The following MECOM variants were observed in gnomAD, a reference collection of about 807,000 sequenced individuals.
MECOM encodes the protein histone-lysine N-methyltransferase MECOM.
MECOM carries 13 observed loss-of-function variants against 116.3 expected under a neutral mutation model. That is an observed-to-expected ratio of 0.11 (90% CI 0.07 to 0.18). The LOEUF (loss-of-function observed/expected upper bound fraction) is 0.18, where lower values mean the gene tolerates loss of function less well. Among genes scored for constraint, MECOM ranks in the 10% least tolerant of loss-of-function variants. The pLI is 1.00. For synonymous variants in MECOM, 528 were observed against 535.2 expected, an observed-to-expected ratio of 0.99 and a Z score of 0.19; for missense variants, 1,299 against 1,509.0, an observed-to-expected ratio of 0.86 and a Z score of 2.31.
chr3:169,567,613 C>T lies in MECOM; in HGVS notation c.37+95723G>A, dbSNP rs141262426. On this transcript the variant is annotated intron_variant, in intron 1 of 16. Transcript: ENST00000651503. ...ATTGAGGCACAGAAGTATGAAAATG[C>T]TTTGCCAGTAAAATCAAGCCAGATG... Among the ~76,000 whole-genome samples the T allele has an allele frequency of 7.0e-4, 107 of 152,254 alleles. 2 individuals carry two copies. The East Asian group carries it at 0.015, about 22-fold the overall frequency.
At chr3:169,507,042 CAT>C (rs1265482416) in intron 1 of MECOM, among the ~76,000 whole-genome samples, 1 of 152,232 alleles carries the variant, frequency 6.6e-6, no homozygotes, top group Non-Finnish European at 1.5e-5. Flanking sequence ...ATAAGAAACA[CAT>C]ATCCCTGAAT....
intron 2 of MECOM, among the ~76,000 whole-genome samples, chr3:169,339,310 C>T (rs1421652835): frequency 1.3e-5 from 2 of 152,228 alleles, no homozygotes; most frequent in Admixed American, 1.3e-4. Context: ...AATTCTTGGG[C>T]TCACCCCAGA....
intron 1 of MECOM, among the ~76,000 whole-genome samples, chr3:169,567,875 A>T (rs1372506081): frequency 6.6e-6 from 1 of 152,242 alleles, no homozygotes; most frequent in Non-Finnish European, 1.5e-5. Context: ...GGACAAAATC[A>T]AAAGAGACAA....
chr3:169,605,035 A>G lies in MECOM; in HGVS notation c.37+58301T>C, dbSNP rs143775827. On this transcript the variant is annotated intron_variant, in intron 1 of 16. Transcript: ENST00000651503. Reference sequence around the variant, plus strand: ...TGGTCTTTGTTTATAGATACCATTAAGAAACACATACAAATTCCCAGAGGC... The same window carrying G: ...TGGTCTTTGTTTATAGATACCATTAGGAAACACATACAAATTCCCAGAGGC... Among the ~76,000 whole-genome samples the G allele has an allele frequency of 1.2e-4, 19 of 152,352 alleles. No homozygotes were observed. In the East Asian group the frequency reaches 3.7e-3, roughly 29 times the overall value.
At chr3:169,105,934 G>A (rs920041812) in intron 10 of MECOM, among the ~76,000 whole-genome samples, 2 of 152,174 alleles carry the variant, frequency 1.3e-5, no homozygotes, top group East Asian at 1.9e-4. Context: ...TATCAACTGG[G>A]TCCTAAGCAC....
chr3:169,637,378 G>C (rs1409092395), intron 1 of MECOM, among the ~76,000 whole-genome samples: 1 of 152,126 alleles, frequency 6.6e-6, no homozygotes. Flanking sequence ...TAAGTTTAGG[G>C]TTGATTTGTT....
At chr3:169,335,280 A>G (rs1723421079) in intron 2 of MECOM, among the ~76,000 whole-genome samples, 1 of 152,158 alleles carries the variant, frequency 6.6e-6, no homozygotes, top group Non-Finnish European at 1.5e-5. Flanking sequence ...GTTTGGAACT[A>G]TTTGCTGAGA....
intron 1 of MECOM, among the ~76,000 whole-genome samples, chr3:169,391,369 TTGAACTCTACCCCATTGCAAGCACA>T (rs2108336585): frequency 6.6e-6 from 1 of 152,312 alleles, no homozygotes; most frequent in Non-Finnish European, 1.5e-5. Flanking sequence ...TAATTTTAGC[TTGAACTCTACCCCATTGCAAGCACA>T]GTATCTTCAG....
rs541762984 is a variant in MECOM, at chr3:169,342,668, T to C, written c.375+38519A>G. ...GAAGGTTTCCTCTAATAATTGTTGC[T>C]CTTAGATGAATATTATAATTATCCA... On this transcript the variant is annotated intron_variant, in intron 2 of 16. Transcript: ENST00000651503. 3.8e-3 allele frequency among the ~76,000 whole-genome samples: 573 copies of C among 152,326 alleles called. 2 individuals are homozygous for C. The highest frequency in any genetic ancestry group is 5.2e-3 in the Non-Finnish European group (356 of 68,030).
chr3:169,341,263 G>A (rs1363765340), intron 2 of MECOM, among the ~76,000 whole-genome samples: 1 of 151,960 alleles, frequency 6.6e-6, no homozygotes, highest in Non-Finnish European at 1.5e-5. Flanking sequence ...GGAACTGGAG[G>A]TCATTATGTT....
rs774981500 is a variant in MECOM, at chr3:169,381,328, A to G, written c.234T>C (p.Ala78=). The G allele has an allele frequency of 1.2e-6, 2 of 1,613,890 alleles. No individual in the cohort carries two copies. Among genetic ancestry groups the G allele is most frequent in the East Asian group, 4.5e-5 (2 of 44,866 alleles). The change falls in exon 2 of 17, where the codon GCT becomes GCC. Residue 78 remains alanine (A), a synonymous_variant. Coordinates refer to ENST00000651503, the MANE Select transcript of MECOM (RefSeq NM_004991.4). ...TATTTGACTCTCGAAGTTCAAACTC[A>G]GCAGGAATGGGGATATCATCAGGGA... The part of the protein sequence containing the change: ...IYIPDDIPIP[A]EFELRESNMP...
chr3:169,214,799 AG>A (rs1395441652), intron 2 of MECOM, among the ~76,000 whole-genome samples: 1 of 149,018 alleles, frequency 6.7e-6, no homozygotes. Flanking sequence ...AAAGTTCTAC[AG>A]GATTATATAT....
At chr3:169,133,042 G>A (rs1735257102) in intron 3 of MECOM, among the ~76,000 whole-genome samples, 1 of 151,728 alleles carries the variant, frequency 6.6e-6, no homozygotes, top group African/African-American at 2.4e-5. Flanking sequence ...GTAAGCCACT[G>A]CACCCAGCCC....
At chr3:169,623,901 A>G (rs1350370588) in intron 1 of MECOM, 1 of 151,584 alleles carries the variant, frequency 6.6e-6, no homozygotes, top group East Asian at 1.9e-4. Context: ...CATATTTCCC[A>G]CCTCCTTTCT....
In MECOM at chr3:169,084,993, T is replaced by C. The variant is rs148539966; in HGVS notation, c.3636A>G (p.Thr1212=). 1 of 1,614,020 alleles carries C rather than the reference T, an allele frequency of 6.2e-7. No homozygotes were observed. The highest frequency in any genetic ancestry group is 8.5e-7 in the Non-Finnish European group (1 of 1,180,010). Residue 1212 remains threonine (T), a synonymous_variant, in exon 17 of 17, where the codon ACA becomes ACG. Coordinates refer to ENST00000651503, the MANE Select transcript of MECOM (RefSeq NM_004991.4). ...SLSDKESLHS[T]SHSSSNVWHS... is the part of the protein sequence containing the mutation. ...GCCACACGTTGGAAGAACTGTGGGA[T>C]GTAGAATGGAGGGACTCCTTGTCAG...
In MECOM at chr3:169,212,452, TA is replaced by T. The variant is rs549572989; in HGVS notation, c.376-68621del. On this transcript the variant is annotated intron_variant, in intron 2 of 16. Coordinates refer to ENST00000651503, the MANE Select transcript of MECOM (RefSeq NM_004991.4). ...ATGTCAATGAATAAAAGGGAGAAGG[TA>T]AAAAAAAAAAAAGCTAAACTGCTTG... is the stretch of plus-strand genomic sequence containing the variant. Among the ~76,000 whole-genome samples, 425 of 125,592 alleles carry T rather than the reference TA, an allele frequency of 3.4e-3. 1 individual carries two copies. Among genetic ancestry groups the T allele is most frequent in the East Asian group, 0.016 (70 of 4,444 alleles). 82.4% of individuals were successfully genotyped at this position (125,592 alleles called of 152,430 possible).
At chr3:169,584,826 T>A (rs1451544173) in intron 1 of MECOM, among the ~76,000 whole-genome samples, 1 of 152,164 alleles carries the variant, frequency 6.6e-6, no homozygotes, top group African/African-American at 2.4e-5. Context: ...CAGCACTGTA[T>A]TCACATTTTA....
chr3:169,222,056 A>G (rs1377464107), intron 2 of MECOM, among the ~76,000 whole-genome samples: 1 of 152,206 alleles, frequency 6.6e-6, no homozygotes, highest in African/African-American at 2.4e-5. Flanking sequence ...ATCACTAGCT[A>G]TGTTTCAAGT....
intron 1 of MECOM, among the ~76,000 whole-genome samples, chr3:169,501,532 A>C (rs918208836): frequency 2.0e-5 from 3 of 152,092 alleles, no homozygotes; most frequent in African/African-American, 7.2e-5. Flanking sequence ...TGAAAGACTC[A>C]TTTGAATATT....
Sources: gnomAD v4.1 joint callset for allele counts (sites outside exome capture counted in the v4.1 genomes callset) on GRCh38, gnomAD v4.1.1 for gene constraint, MANE v1.5 for transcripts, NCBI Gene and HGNC (gene_info 2026-07-23, HGNC 2026-07-21) for gene names.